FOXP2: variants seen among roughly 807,000 people sequenced by gnomAD.
FOXP2 encodes forkhead box protein P2.
FOXP2 carries 12 observed loss-of-function variants against 115.8 expected under a neutral mutation model. That is an observed-to-expected ratio of 0.10 (90% CI 0.07 to 0.17). The LOEUF is 0.17. FOXP2 is among the 10% of genes least tolerant of loss of function. The pLI, the probability that FOXP2 is intolerant of heterozygous loss-of-function variation, is 1.00. For missense variants in FOXP2, 629 were observed against 843.5 expected (o/e 0.75, Z 3.15); for synonymous variants, 328 against 297.7 (o/e 1.10, Z -1.05).
chr7:114,297,184 G>A lies in FOXP2; in HGVS notation c.-11+9075G>A, dbSNP rs917758550. The A allele has an allele frequency of 2.4e-5, 12 of 495,172 alleles. No individual in the cohort carries two copies. In the East Asian group the frequency reaches 3.6e-4, roughly 15 times the overall value. 30.7% of individuals were successfully genotyped at this position (495,172 alleles called of 1,614,324 possible). The stretch of plus-strand genomic sequence containing the variant: ...TCAGCTCCTCCTGCTTCCTCTTGGC[G>A]TGGATGTGTCCCCACCCTTTTCTCG... On this transcript the variant is annotated intron_variant, in intron 2 of 17. Coordinates refer to the FOXP2 transcript ENST00000634411.
intron 5 of FOXP2, 56 bp from the exon 6 acceptor site, chr7:114,631,472 C>T: frequency 6.5e-7 from 1 of 1,550,034 alleles, no homozygotes; most frequent in Non-Finnish European, 8.7e-7. Flanking sequence ...TGTAAGAGAG[C>T]TGTTTGTACA....
At chr7:114,491,413 G>A (rs927293307) in intron 2 of FOXP2, among the ~76,000 whole-genome samples, 2 of 151,914 alleles carry the variant, frequency 1.3e-5, no homozygotes, top group African/African-American at 4.8e-5. Context: ...TTAGCCCTTT[G>A]TCAGATGAGT....
At chr7:114,247,466 C>A (rs902221697) in intron 1 of FOXP2, among the ~76,000 whole-genome samples, 5 of 152,152 alleles carry the variant, frequency 3.3e-5, no homozygotes, top group African/African-American at 1.2e-4. Context: ...ATCCTATTTA[C>A]TTCCTTTAGA....
At chr7:114,361,272 T>C (rs1791739303) in intron 2 of FOXP2, among the ~76,000 whole-genome samples, 1 of 152,070 alleles carries the variant, frequency 6.6e-6, no homozygotes, top group Non-Finnish European at 1.5e-5. Context: ...TAAGAATTGA[T>C]TTCAGTCTCA....
intron 3 of FOXP2, among the ~76,000 whole-genome samples, chr7:114,541,003 G>GCTT (rs1799637211): frequency 6.6e-6 from 1 of 152,062 alleles, no homozygotes; most frequent in South Asian, 2.1e-4. Flanking sequence ...CAAAGCAGTG[G>GCTT]TCTGTGAAGA....
Position 114,692,552 on chromosome 7 carries a change from A to AT in FOXP2, c.*2631dup. ...AATGTTGCTTTAATGCATTTCATGA[A>AT]TTTTTACTCTTATATCATTGCTTGC... On this transcript the variant is annotated 3_prime_UTR_variant, in exon 17 of 17. Coordinates refer to ENST00000350908, the MANE Select transcript of FOXP2 (RefSeq NM_014491.4). 2 of 453,878 alleles carry AT rather than the reference A, an allele frequency of 4.4e-6. No homozygotes were observed. The highest frequency in any genetic ancestry group is 8.8e-6 in the Non-Finnish European group (2 of 226,618). 28.1% of individuals were successfully genotyped at this position (453,878 alleles called of 1,614,324 possible). A position where few individuals can be genotyped will look rare whatever the true frequency, so the allele number is the denominator to read the frequency against.
At chr7:114,608,724 T>C (rs1803467810) in intron 3 of FOXP2, among the ~76,000 whole-genome samples, 3 of 152,144 alleles carry the variant, frequency 2.0e-5, no homozygotes, top group South Asian at 4.1e-4. Flanking sequence ...CTTGCAAAAA[T>C]GTGGAAGAAT....
intron 2 of FOXP2, among the ~76,000 whole-genome samples, chr7:114,360,375 C>A (rs1791719261): frequency 6.6e-6 from 1 of 151,656 alleles, no homozygotes; most frequent in South Asian, 2.1e-4. Context: ...CTTTTTTTTC[C>A]CAACTTCACC....
At chr7:114,383,678 G>A (rs1252166382) in intron 2 of FOXP2, among the ~76,000 whole-genome samples, 3 of 152,098 alleles carry the variant, frequency 2.0e-5, no homozygotes, top group African/African-American at 4.8e-5. Flanking sequence ...GTGGCCAGGC[G>A]GTACTGCAGA....
rs189568307 is a variant in FOXP2 at position 114,534,474 on chromosome 7, A to G, written c.169-143A>G. 614 of 736,424 alleles carry G rather than the reference A, an allele frequency of 8.3e-4. 1 individual carries two copies. The highest frequency in any genetic ancestry group is 1.4e-3 in the Admixed American group (60 of 43,914). 45.6% of individuals were successfully genotyped at this position (736,424 alleles called of 1,614,324 possible). A position where few individuals can be genotyped will look rare whatever the true frequency, so the allele number is the denominator to read the frequency against. Reference sequence around the variant, plus strand: ...ATGTGTGTTTGGCAATTTTTTTCATATTAGAAGATAAACAACAATGATTCT... The same window carrying G: ...ATGTGTGTTTGGCAATTTTTTTCATGTTAGAAGATAAACAACAATGATTCT... On this transcript the variant is annotated intron_variant, in intron 2 of 16. Transcript: ENST00000350908.
In FOXP2 at chr7:114,691,999, G is replaced by C. The variant is rs1808694643; in HGVS notation, c.*2073G>C. ...TTATGGCAGATTGCATGAAACGTGA[G>C]AACGTCACAGTAACTGCTACTTTTC... On this transcript the variant is annotated 3_prime_UTR_variant, in exon 17 of 17. Transcript: ENST00000350908. 2 of 447,888 alleles carry C rather than the reference G, an allele frequency of 4.5e-6. No individual in the cohort carries two copies. Among genetic ancestry groups the C allele is most frequent in the Non-Finnish European group, 8.9e-6 (2 of 224,976 alleles). The allele number at this position is 447,888 out of a possible 1,614,324, so 27.7% of individuals were successfully genotyped here. A position where few individuals can be genotyped will look rare whatever the true frequency, so the allele number is the denominator to read the frequency against.
At chr7:114,490,663 A>C (rs1797000564) in intron 2 of FOXP2, among the ~76,000 whole-genome samples, 1 of 151,836 alleles carries the variant, frequency 6.6e-6, no homozygotes, top group African/African-American at 2.4e-5. Context: ...CCATACCCCC[A>C]CCTCACAACA....
chr7:114,118,953 G>T (rs1231454563), intron 1 of FOXP2, among the ~76,000 whole-genome samples: 1 of 152,054 alleles, frequency 6.6e-6, no homozygotes, highest in Non-Finnish European at 1.5e-5. Flanking sequence ...AGGTTGTTCT[G>T]GCTCTTTAGA....
intron 2 of FOXP2, among the ~76,000 whole-genome samples, chr7:114,431,135 C>T (rs1562922427): frequency 6.6e-6 from 1 of 151,918 alleles, no homozygotes; most frequent in Non-Finnish European, 1.5e-5. Flanking sequence ...AAAGCATTTA[C>T]TGAAGAAATA....
At chr7:114,136,927 C>T (rs1792056927) in intron 1 of FOXP2, among the ~76,000 whole-genome samples, 1 of 151,968 alleles carries the variant, frequency 6.6e-6, no homozygotes, top group South Asian at 2.1e-4. Flanking sequence ...CAGGCTTAAA[C>T]AATCCTAACA....
chr7:114,394,567 A>G (rs1374643241), intron 2 of FOXP2, among the ~76,000 whole-genome samples: 2 of 152,332 alleles, frequency 1.3e-5, no homozygotes, highest in South Asian at 4.1e-4. Context: ...CCTGGCAGAT[A>G]TCACTTTAAT....
chr7:114,565,206 C>T (rs565572325), intron 3 of FOXP2, among the ~76,000 whole-genome samples: 1 of 151,556 alleles, frequency 6.6e-6, no homozygotes, highest in African/African-American at 2.4e-5. Flanking sequence ...ATGCAAATGG[C>T]ACTTATGTTG....
intron 2 of FOXP2, among the ~76,000 whole-genome samples, chr7:114,298,326 CT>C (rs1796794246): frequency 6.6e-6 from 1 of 152,136 alleles, no homozygotes; most frequent in Non-Finnish European, 1.5e-5. Flanking sequence ...CTTCATTCTC[CT>C]TTTCAAAATA....
chr7:114,508,384 G>A (rs956047110), intron 2 of FOXP2, among the ~76,000 whole-genome samples: 5 of 152,056 alleles, frequency 3.3e-5, no homozygotes, highest in African/African-American at 9.7e-5. Flanking sequence ...TTGTGAGGTA[G>A]AGTGAGCCAA....
Sources: gnomAD v4.1 joint callset for allele counts (sites outside exome capture counted in the v4.1 genomes callset) on GRCh38, gnomAD v4.1.1 for gene constraint, MANE v1.5 for transcripts, NCBI Gene and HGNC (gene_info 2026-07-23, HGNC 2026-07-21) for gene names.